The following PTPRN2 variants were observed in gnomAD, a reference collection of about 807,000 sequenced individuals.
PTPRN2 encodes receptor-type tyrosine-protein phosphatase N2.
Under a neutral mutation model 118.8 loss-of-function variants are expected in PTPRN2, and 74 were observed. That is an observed-to-expected ratio of 0.62 (90% CI 0.52 to 0.76). PTPRN2 has a LOEUF of 0.76. PTPRN2 is among the 30% of genes least tolerant of loss of function. The probability of loss-of-function intolerance (pLI) is 0.00; values close to 1 mark genes in which losing one functional copy is unlikely to be tolerated. For missense variants in PTPRN2, 1,481 were observed against 1,394.4 expected (o/e 1.06, Z -0.99); for synonymous variants, 641 against 608.0 (o/e 1.05, Z -0.80).
At chr7:158,265,764 A>G (rs542895340) in intron 3 of PTPRN2, among the ~76,000 whole-genome samples, 172 of 152,322 alleles carry the variant, frequency 1.1e-3, no homozygotes, top group African/African-American at 3.9e-3. Flanking sequence ...CCATGAGGAC[A>G]TGGTCCAGGC....
At chr7:158,270,980 CTCCACCTGGGCCTCCCCA>C (rs1328743237) in intron 3 of PTPRN2, among the ~76,000 whole-genome samples, 82 of 88,458 alleles carry the variant, frequency 9.3e-4, no homozygotes, top group East Asian at 2.5e-3. Flanking sequence ...GGACCACCCC[CTCCACCTGGGCCTCCCCA>C]TCCACCTGGA....
intron 12 of PTPRN2, among the ~76,000 whole-genome samples, chr7:157,740,608 G>A (rs2150961609): frequency 6.6e-6 from 1 of 152,348 alleles, no homozygotes; most frequent in African/African-American, 2.4e-5. Flanking sequence ...AACACACAGA[G>A]CAACTGAAAT....
At chr7:157,722,626 G>A (rs1389367398) in intron 12 of PTPRN2, among the ~76,000 whole-genome samples, 1 of 152,190 alleles carries the variant, frequency 6.6e-6, no homozygotes, top group Non-Finnish European at 1.5e-5. Context: ...GGCCTGGGCG[G>A]CCCTCCATTC....
At chr7:157,864,541 C>T (rs1481807694) in intron 12 of PTPRN2, 1 of 152,286 alleles carries the variant, frequency 6.6e-6, no homozygotes, top group Non-Finnish European at 1.5e-5. Flanking sequence ...TTTACATTGC[C>T]TGTGCCACTT....
chr7:158,516,045 G>A (rs939285256), intron 1 of PTPRN2, among the ~76,000 whole-genome samples: 1 of 152,160 alleles, frequency 6.6e-6, no homozygotes, highest in Non-Finnish European at 1.5e-5. Flanking sequence ...GCTGGTGATT[G>A]CACCTCACAG....
chr7:157,595,098 A>T, intron 17 of PTPRN2, 140 bp downstream of exon 17: 2 of 777,658 alleles, frequency 2.6e-6, no homozygotes, highest in Non-Finnish European at 4.1e-6. Flanking sequence ...ATATGAACAG[A>T]CTGAAATTCT....
At chr7:158,342,093 C>G (rs1806965075) in intron 2 of PTPRN2, among the ~76,000 whole-genome samples, 1 of 140,970 alleles carries the variant, frequency 7.1e-6, no homozygotes, top group Non-Finnish European at 1.5e-5. Flanking sequence ...AGGGGTGTCA[C>G]CTGCAGACGT....
At position 157,629,207 on chromosome 7, in the gene PTPRN2, A is replaced by G. The variant is rs958812325; in HGVS notation, c.2197-7698T>C. On this transcript the variant is annotated intron_variant, in intron 14 of 22. Coordinates refer to ENST00000389418, the MANE Select transcript of PTPRN2 (RefSeq NM_002847.5). The surrounding 1 kb of genome is among the most constrained non-coding windows in gnomAD (Gnocchi z 4.4). ...AGGCACTGGGATCCTGGGTCAGCCA[A>G]TGCTGATTCACCTGTTCCTGCAGAC... 1.3e-5 allele frequency among the ~76,000 whole-genome samples: 2 copies of G among 152,068 alleles called. No homozygotes were observed. Among genetic ancestry groups the G allele is most frequent in the Non-Finnish European group, 2.9e-5 (2 of 68,012 alleles).
intron 11 of PTPRN2, among the ~76,000 whole-genome samples, chr7:157,978,039 T>G (rs1802881496): frequency 6.6e-6 from 1 of 151,406 alleles, no homozygotes; most frequent in South Asian, 2.1e-4. Flanking sequence ...TACCAAGGAG[T>G]TTTCTAAAAA....
chr7:157,700,526 C>T (rs536356353), intron 12 of PTPRN2, among the ~76,000 whole-genome samples: 2 of 152,270 alleles, frequency 1.3e-5, no homozygotes, highest in Non-Finnish European at 2.9e-5. Flanking sequence ...TTACTTTTTT[C>T]GGGTCATCCC....
At position 158,034,151 on chromosome 7, in the gene PTPRN2, T is replaced by G. The variant is rs180897645; in HGVS notation, c.1723+47147A>C. Among the ~76,000 whole-genome samples, 15 of 150,374 alleles carry G rather than the reference T, an allele frequency of 1.0e-4. 1 individual carries two copies. The highest frequency in any genetic ancestry group is 3.7e-4 in the African/African-American group (15 of 40,690). On this transcript the variant is annotated intron_variant, in intron 11 of 22. Transcript: ENST00000389418. ...TGCACACTGAGACCTCAATAGAAAC[T>G]CTGCACTCTGAGGCCTGGGTGAGCG...
Position 158,133,687 on chromosome 7 carries a change from T to C in PTPRN2, c.1546A>G (p.Thr516Ala). 1 of 1,584,256 alleles carries C rather than the reference T, an allele frequency of 6.3e-7. No homozygotes were observed. The highest frequency in any genetic ancestry group is 8.6e-7 in the Non-Finnish European group (1 of 1,165,352). The change falls in exon 9 of 23, where the codon ACA becomes GCA. Residue 516 changes from threonine to alanine, a missense_variant. By Grantham distance (58) the Thr-to-Ala change is moderately conservative. This residue lies in a region of PTPRN2 where 1,115 missense variants were observed against 994.2 expected (regional missense o/e 1.12). Coordinates refer to ENST00000389418, the MANE Select transcript of PTPRN2 (RefSeq NM_002847.5). ...SEEEARGYIV[T>A]DRDPLRPEEG... ...AGGGCTGCTACTCACTCTCTGTCTG[T>C]CACGATGTAGCCCCGCGCCTCTTCC...
intron 2 of PTPRN2, among the ~76,000 whole-genome samples, chr7:158,412,182 G>T (rs1340024883): frequency 1.6e-5 from 2 of 125,736 alleles, no homozygotes; most frequent in Non-Finnish European, 3.3e-5. Flanking sequence ...CAACACCAGG[G>T]CCCATCTCAG....
intron 10 of PTPRN2, among the ~76,000 whole-genome samples, chr7:158,098,814 G>A (rs950836945): frequency 5.3e-5 from 8 of 152,140 alleles, no homozygotes; most frequent in East Asian, 1.9e-4. Flanking sequence ...GGGAGAAAGC[G>A]AGAAAGCAAG....
chr7:158,168,678 C>A (rs1396844217), intron 5 of PTPRN2, among the ~76,000 whole-genome samples: 3 of 152,182 alleles, frequency 2.0e-5, no homozygotes, highest in South Asian at 4.1e-4. Flanking sequence ...CCTATCACAT[C>A]ATTTACTAGT....
intron 2 of PTPRN2, among the ~76,000 whole-genome samples, chr7:158,396,666 T>A (rs968127602): frequency 6.7e-6 from 1 of 150,298 alleles, no homozygotes; most frequent in Non-Finnish European, 1.5e-5. Context: ...GGCTTGTGTG[T>A]GCTTTGTGTG....
chr7:158,332,331 G>T (rs1287357641), intron 2 of PTPRN2, among the ~76,000 whole-genome samples: 4 of 48,058 alleles, frequency 8.3e-5, no homozygotes, highest in African/African-American at 2.0e-4. Flanking sequence ...CATAAGAGCT[G>T]AGGCCCACAG....
chr7:158,527,626 C>A (rs917877952), intron 1 of PTPRN2, among the ~76,000 whole-genome samples: 19 of 152,236 alleles, frequency 1.2e-4, no homozygotes, highest in Admixed American at 3.9e-4. Context: ...TGGCGGCCCA[C>A]TGCTCAGCCA....
intron 1 of PTPRN2, among the ~76,000 whole-genome samples, chr7:158,581,127 CAT>C (rs752853976): frequency 1.6e-4 from 25 of 152,170 alleles, no homozygotes; most frequent in Non-Finnish European, 2.8e-4. Context: ...ACCAGAGAGA[CAT>C]GTTCTGACAG....
Sources: gnomAD v4.1 joint callset for allele counts (sites outside exome capture counted in the v4.1 genomes callset) on GRCh38, gnomAD v4.1.1 for gene constraint, gnomAD v4.1.1 regional missense constraint, Gnocchi (gnomAD v3.1) non-coding constraint, MANE v1.5 for transcripts, NCBI Gene and HGNC (gene_info 2026-07-23, HGNC 2026-07-21) for gene names.